The following ANKRD40CL variants were observed in gnomAD, a reference collection of about 807,000 sequenced individuals.
ANKRD40CL encodes the protein ANKRD40 C-terminal like.
For missense variants in ANKRD40CL, 11 were observed against 6.4 expected, an observed-to-expected ratio of 1.71 and a Z score of -0.77; for synonymous variants, 5 against 2.3, an observed-to-expected ratio of 2.14 and a Z score of -1.04.
intron 2 of ANKRD40CL, chr17:50,766,571 T>C (rs1352693317): frequency 5.7e-6 from 2 of 353,680 alleles, no homozygotes; most frequent in African/African-American, 4.2e-5. Context: ...GAAAATGAGG[T>C]TAACAATCCT....
chr17:50,766,920 C>T lies in ANKRD40CL; in HGVS notation c.-7G>A, dbSNP rs895517230. ...CCTGTTCCGGTTCAGCCATGAGTCA[C>T]CTCTAGTCCGTCAGATGTGCAGCCC... On this transcript the variant is annotated 5_prime_UTR_variant, in exon 2 of 4. In the 5' UTR this introduces an upstream ATG that the reference lacks. Coordinates refer to ENST00000450727, the MANE Select transcript of ANKRD40CL (RefSeq NM_001358683.3). 5.7e-6 allele frequency: 4 copies of T among 698,326 alleles called. No individual in the cohort carries two copies. The African/African-American group carries it at 7.1e-5, about 12-fold the overall frequency. 43.3% of individuals were successfully genotyped at this position (698,326 alleles called of 1,614,324 possible). A position where few individuals can be genotyped will look rare whatever the true frequency, so the allele number is the denominator to read the frequency against.
chr17:50,761,033 A>ATTTATTTATTTATTTATTTATTTAT lies in ANKRD40CL; in HGVS notation c.*329_*330insATAAATAAATAAATAAATAAATAAA, dbSNP rs1971190807. On this transcript the variant is annotated 3_prime_UTR_variant, in exon 4 of 4. Transcript: ENST00000450727. ...TTCAGTTTTTTAATTCCTGGGATTG[A>ATTTATTTATTTATTTATTTATTTAT]TTATTTATTTATTTATTTATTTTGA... 2.0e-5 allele frequency: 3 copies of ATTTATTTATTTATTTATTTATTTAT among 148,572 alleles called. No individual in the cohort carries two copies. Among genetic ancestry groups the ATTTATTTATTTATTTATTTATTTAT allele is most frequent in the East Asian group, 2.0e-4 (1 of 5,084 alleles). 9.2% of individuals were successfully genotyped at this position (148,572 alleles called of 1,614,324 possible). A position where few individuals can be genotyped will look rare whatever the true frequency, so the allele number is the denominator to read the frequency against.
intron 2 of ANKRD40CL, 112 bp from the exon 3 acceptor site, chr17:50,763,669 A>G (rs559879972): frequency 2.5e-6 from 1 of 397,708 alleles, no homozygotes; most frequent in African/African-American, 2.1e-5. Context: ...AATCCTAAAA[A>G]CTGAATGTTA....
At chr17:50,766,485 G>C in intron 2 of ANKRD40CL, 1 of 205,612 alleles carries the variant, frequency 4.9e-6, no homozygotes, top group Non-Finnish European at 9.7e-6. Flanking sequence ...TTTGCACTCA[G>C]GCAGATTTGG....
intron 2 of ANKRD40CL, among the ~76,000 whole-genome samples, chr17:50,765,658 A>G (rs1278209211): frequency 6.6e-6 from 1 of 152,236 alleles, no homozygotes; most frequent in East Asian, 1.9e-4. Flanking sequence ...AACCCAGGGC[A>G]AATGGGTGAC....
At position 50,765,668 on chromosome 17, in the gene ANKRD40CL, C is replaced by T. The variant is rs192197686; in HGVS notation, c.40+1206G>A. 4.3e-3 allele frequency among the ~76,000 whole-genome samples: 654 copies of T among 152,280 alleles called. 4 individuals are homozygous for T. The highest frequency in any genetic ancestry group is 6.7e-3 in the Non-Finnish European group (453 of 68,024). On this transcript the variant is annotated intron_variant, in intron 2 of 3. Coordinates refer to ENST00000450727, the MANE Select transcript of ANKRD40CL (RefSeq NM_001358683.3). ...GCTCTAACCCAGGGCAAATGGGTGA[C>T]GCCCAGGGTATTGCGACCTCCCCAC...
At position 50,761,033 on chromosome 17, in the gene ANKRD40CL, A is replaced by ATTATTTATTTATTTATTTATTTAT. The variant is rs58902684; in HGVS notation, c.*329_*330insATAAATAAATAAATAAATAAATAA. On this transcript the variant is annotated 3_prime_UTR_variant, in exon 4 of 4. Transcript: ENST00000450727. ...TTCAGTTTTTTAATTCCTGGGATTGATTATTTATTTATTTATTTATTTTGA... is the reference window on the plus strand; with the variant it reads ...TTCAGTTTTTTAATTCCTGGGATTGATTATTTATTTATTTATTTATTTATTTATTTATTTATTTATTTATTTTGA... 1,696 of 148,692 alleles carry ATTATTTATTTATTTATTTATTTAT rather than the reference A, an allele frequency of 0.011. 37 individuals carry two copies. The highest frequency in any genetic ancestry group is 0.027 in the African/African-American group (1,093 of 39,826). 9.2% of individuals were successfully genotyped at this position (148,692 alleles called of 1,614,324 possible).
intron 2 of ANKRD40CL, chr17:50,763,794 G>A (rs1175868061): frequency 2.4e-5 from 9 of 381,830 alleles, no homozygotes; most frequent in Non-Finnish European, 4.2e-5. Context: ...ACTGAAGACA[G>A]AAAGCTTGCA....
intron 2 of ANKRD40CL, 125 bp downstream of exon 2, chr17:50,766,749 C>G (rs1971324484): frequency 1.7e-6 from 1 of 585,816 alleles, no homozygotes; most frequent in Middle Eastern, 4.5e-4. Flanking sequence ...TTCACTACCC[C>G]ACTGGCAGAG....
chr17:50,763,353 T>C, intron 3 of ANKRD40CL, 44 bp downstream of exon 3: 1 of 399,088 alleles, frequency 2.5e-6, no homozygotes, highest in Non-Finnish European at 4.4e-6. Context: ...GAGAACATGA[T>C]GTCACCCACT....
chr17:50,763,276 T>C (rs1343063479), intron 3 of ANKRD40CL, 121 bp downstream of exon 3: 4 of 398,022 alleles, frequency 1.0e-5, no homozygotes, highest in Non-Finnish European at 1.8e-5. Flanking sequence ...CTAGCTACCA[T>C]GTTTGGCCGT....
chr17:50,762,593 A>T lies in ANKRD40CL; in HGVS notation c.201+804T>A, dbSNP rs372041678. 5.9e-5 allele frequency among the ~76,000 whole-genome samples: 9 copies of T among 152,320 alleles called. No individual in the cohort carries two copies. The South Asian group carries it at 8.3e-4, about 14-fold the overall frequency. The stretch of plus-strand genomic sequence containing the variant: ...TCTCAAAAAAACAAAAAACAAAAAA[A>T]TTGCCAAAGGAATTTTGAAAGCTTT... On this transcript the variant is annotated intron_variant, in intron 3 of 3. Transcript: ENST00000450727.
intron 3 of ANKRD40CL, 66 bp downstream of exon 3, chr17:50,763,331 C>CT: frequency 2.5e-6 from 1 of 399,012 alleles, no homozygotes; most frequent in Non-Finnish European, 4.4e-6. Context: ...GAAGTGTAAA[C>CT]GATTGGCTCC....
At chr17:50,761,566 A>G (rs979294265) in intron 3 of ANKRD40CL, 60 bp from the exon 4 acceptor site, 5 of 394,554 alleles carry the variant, frequency 1.3e-5, no homozygotes, top group Non-Finnish European at 9.0e-6. Flanking sequence ...AGAAAACCTT[A>G]ATATTAATAT....
intron 2 of ANKRD40CL, chr17:50,766,595 G>A: frequency 2.5e-6 from 1 of 403,602 alleles, no homozygotes; most frequent in Non-Finnish European, 4.4e-6. Flanking sequence ...TCACCAGATT[G>A]TAAGAAGTCA....
chr17:50,761,470 C>A lies in ANKRD40CL; in HGVS notation c.238G>T (p.Val80Leu). The stretch of plus-strand genomic sequence containing the variant: ...CCATTTTTCATTAAAATGAGTTCCA[C>A]TTCCTGAAAGTCCCGCAGTCTTCGA... ...DIRRLRDFQEVELILMKNGSS... is the reference protein window; with the variant it reads ...DIRRLRDFQELELILMKNGSS... Residue 80 changes from valine (V) to leucine (L), a missense_variant, in exon 4 of 4, where the codon GTG (valine) becomes TTG (leucine). Coordinates refer to ENST00000450727, the MANE Select transcript of ANKRD40CL (RefSeq NM_001358683.3). 1 of 398,998 alleles carries A rather than the reference C, an allele frequency of 2.5e-6. No individual in the cohort carries two copies. The allele number at this position is 398,998 out of a possible 1,614,324, so 24.7% of individuals were successfully genotyped here.
chr17:50,766,258 C>T (rs1394086714), intron 2 of ANKRD40CL, among the ~76,000 whole-genome samples: 3 of 152,148 alleles, frequency 2.0e-5, no homozygotes, highest in Admixed American at 6.5e-5. Context: ...AGCTGGGCCC[C>T]AGCCCACCTG....
In ANKRD40CL at chr17:50,764,205, C is replaced by T. The variant is rs115905282; in HGVS notation, c.41-648G>A. 1,236 of 398,602 alleles carry T rather than the reference C, an allele frequency of 3.1e-3. 23 individuals are homozygous for T. Among genetic ancestry groups the T allele is most frequent in the African/African-American group, 0.024 (1,163 of 48,734 alleles). 24.7% of individuals were successfully genotyped at this position (398,602 alleles called of 1,614,324 possible). A position where few individuals can be genotyped will look rare whatever the true frequency, so the allele number is the denominator to read the frequency against. On this transcript the variant is annotated intron_variant, in intron 2 of 3. Transcript: ENST00000450727. Reference sequence around the variant, plus strand: ...TGGGTTTCTTGTTATCACTTGGGTCCGTTGTTGGCAAGTGTGGATTTGTGC... The same window carrying T: ...TGGGTTTCTTGTTATCACTTGGGTCTGTTGTTGGCAAGTGTGGATTTGTGC...
intron 2 of ANKRD40CL, chr17:50,766,590 A>AGATT: frequency 2.5e-6 from 1 of 397,332 alleles, no homozygotes; most frequent in Non-Finnish European, 4.4e-6. Flanking sequence ...CTACCTCACC[A>AGATT]GATTGTAAGA....
Sources: gnomAD v4.1 joint callset for allele counts (sites outside exome capture counted in the v4.1 genomes callset) on GRCh38, gnomAD v4.1.1 for gene constraint, MANE v1.5 for transcripts, NCBI Gene and HGNC (gene_info 2026-07-23, HGNC 2026-07-21) for gene names.